Variants in PCDHGA8 observed in about 807,000 individuals in gnomAD.
The protein encoded by PCDHGA8 is protocadherin gamma subfamily A, 8.
A neutral mutation model predicts 59.2 loss-of-function variants in PCDHGA8; 45 were observed. The observed-to-expected ratio is 0.76, with a 90% confidence interval of 0.60 to 0.98. The LOEUF (loss-of-function observed/expected upper bound fraction) is 0.98. Ranked by LOEUF, PCDHGA8 falls within the 50% of genes least tolerant of loss-of-function variation. PCDHGA8 has a pLI of 0.00. For missense variants in PCDHGA8, 1,257 were observed against 1,196.2 expected (o/e 1.05, Z -0.75); for synonymous variants, 531 against 519.0 (o/e 1.02, Z -0.32).
In PCDHGA8 at chr5:141,394,652, G is replaced by T. The variant is rs1589237070; in HGVS notation, c.1839G>T (p.Glu613Asp). 1 of 1,613,422 alleles carries T rather than the reference G, an allele frequency of 6.2e-7. No homozygotes were observed. The highest frequency in any genetic ancestry group is 8.5e-7 in the Non-Finnish European group (1 of 1,179,954). Residue 613 changes from glutamate (E) to aspartate (D), a missense_variant, in exon 1 of 4, where the codon GAG (glutamate) becomes GAT (aspartate). Coordinates refer to ENST00000398604, the MANE Select transcript of PCDHGA8 (RefSeq NM_032088.2). ...CCTACCGCCTGCTCAAGGCCAGCGA[G>T]CCGGGACTCTTCTCGGTGGGTCTGC... ...WLSYRLLKAS[E>D]PGLFSVGLHT...
chr5:141,499,751 A>G (rs1355923543), intron 2 of PCDHGA8, among the ~76,000 whole-genome samples: 2 of 149,258 alleles, frequency 1.3e-5, no homozygotes, highest in Non-Finnish European at 3.0e-5. Flanking sequence ...CTGTGGCACA[A>G]TCTCAGCTCA....
intron 1 of PCDHGA8, chr5:141,433,013 AC>A: frequency 6.2e-7 from 1 of 1,614,018 alleles, no homozygotes; most frequent in Non-Finnish European, 8.5e-7. Flanking sequence ...TTTCCTGCAG[AC>A]CTATTCCCAC....
Position 141,486,486 on chromosome 5 carries a change from A to G in PCDHGA8, c.2425-8321A>G. The G allele has an allele frequency of 6.2e-7, 1 of 1,614,056 alleles. No individual in the cohort carries two copies. Among genetic ancestry groups the G allele is most frequent in the South Asian group, 1.1e-5 (1 of 91,084 alleles). ...GCTGGGAACCCTCCTCTCAGTACCC[A>G]CAGAACTATTTTCCTCAATATTTCA... On this transcript the variant is annotated intron_variant, in intron 1 of 3. Coordinates refer to ENST00000398604, the MANE Select transcript of PCDHGA8 (RefSeq NM_032088.2). The surrounding 1 kb of genome is among the most constrained non-coding windows in gnomAD (Gnocchi z 5.0).
intron 1 of PCDHGA8, chr5:141,403,588 C>CGGTG (rs773103981): frequency 1.2e-6 from 2 of 1,613,904 alleles, no homozygotes; most frequent in East Asian, 2.2e-5. Flanking sequence ...ACCTGGTCCT[C>CGGTG]ACGGCCTCGG....
At position 141,455,354 on chromosome 5, in the gene PCDHGA8, T is replaced by C. The variant is rs185319743; in HGVS notation, c.2425-39453T>C. ...TGGTTTTAAGGAGCGGAGAGTTTAA[T>C]AGGCAAGAAGGAAGGGAGAAGACAG... On this transcript the variant is annotated intron_variant, in intron 1 of 3. Coordinates refer to ENST00000398604, the MANE Select transcript of PCDHGA8 (RefSeq NM_032088.2). Among the ~76,000 whole-genome samples the C allele has an allele frequency of 1.7e-3, 263 of 152,180 alleles. 2 individuals are homozygous for C. The highest frequency in any genetic ancestry group is 3.0e-3 in the Non-Finnish European group (207 of 68,010).
At chr5:141,508,244 C>A (rs1278674173) in intron 3 of PCDHGA8, 1 of 152,314 alleles carries the variant, frequency 6.6e-6, no homozygotes, top group Non-Finnish European at 1.5e-5. Context: ...CTAAGTCTGC[C>A]TCTCCTGGGA....
intron 1 of PCDHGA8, among the ~76,000 whole-genome samples, chr5:141,406,535 G>A (rs2094820779): frequency 6.6e-6 from 1 of 152,168 alleles, no homozygotes; most frequent in South Asian, 2.1e-4. Context: ...TTCTGACGAA[G>A]ATTCAAACTT....
rs774983500 is a variant in PCDHGA8 at position 141,490,973 on chromosome 5, G to T, written c.2425-3834G>T. ...GACTGGGAACACTCAGCCCCCCAGC[G>T]TCTCCCTCGCTCTGCTCCTCCTGGC... On this transcript the variant is annotated intron_variant, in intron 1 of 3. Transcript: ENST00000398604. The surrounding 1 kb of genome is among the most constrained non-coding windows in gnomAD (Gnocchi z 5.4). 1 of 1,613,932 alleles carries T rather than the reference G, an allele frequency of 6.2e-7. No individual in the cohort carries two copies. The highest frequency in any genetic ancestry group is 1.3e-5 in the African/African-American group (1 of 75,040).
At chr5:141,440,431 A>G (rs1338519888) in intron 1 of PCDHGA8, 1 of 152,222 alleles carries the variant, frequency 6.6e-6, no homozygotes, top group Non-Finnish European at 1.5e-5. Flanking sequence ...TGGGTGACAG[A>G]GCAAGGCGCC....
intron 1 of PCDHGA8, chr5:141,404,365 C>A: frequency 6.2e-7 from 1 of 1,613,936 alleles, no homozygotes; most frequent in South Asian, 1.1e-5. Context: ...GTACTTCCAT[C>A]TTCTCCGTGA....
At chr5:141,501,146 T>C (rs2299023) in intron 2 of PCDHGA8, among the ~76,000 whole-genome samples, 88,663 of 152,012 alleles carry the variant, frequency 0.58, 27,355 homozygotes, top group African/African-American at 0.78. Context: ...GGATTACAGG[T>C]GGGAGCCACC....
At chr5:141,456,827 G>A (rs183303757) in intron 1 of PCDHGA8, among the ~76,000 whole-genome samples, 13 of 152,236 alleles carry the variant, frequency 8.5e-5, no homozygotes, top group South Asian at 2.1e-4. Flanking sequence ...AGCCATCGTG[G>A]TAGTGGGCGC....
rs371350905 is a variant in PCDHGA8 at position 141,476,860 on chromosome 5, G to A, written c.2425-17947G>A. The A allele has an allele frequency of 6.7e-5, 108 of 1,613,762 alleles. No individual in the cohort carries two copies. The highest frequency in any genetic ancestry group is 1.6e-4 in the East Asian group (7 of 44,884). ...ATGCGCCTGTCTTCAACCAGTCCTT[G>A]TACCGGGCGCGCGTCCTGGAGGATG... is the stretch of plus-strand genomic sequence containing the variant. On this transcript the variant is annotated intron_variant, in intron 1 of 3. Transcript: ENST00000398604. This position sits in a 1 kb window ranked among gnomAD's most constrained non-coding sequence, Gnocchi z 7.6.
chr5:141,433,437 T>C (rs1422634356), intron 1 of PCDHGA8, among the ~76,000 whole-genome samples: 2 of 152,076 alleles, frequency 1.3e-5, no homozygotes, highest in Admixed American at 1.3e-4. Flanking sequence ...AGTCTCACTA[T>C]GTTGAGCAGG....
chr5:141,501,327 AC>A (rs1208116606), intron 2 of PCDHGA8, among the ~76,000 whole-genome samples: 2 of 151,364 alleles, frequency 1.3e-5, no homozygotes, highest in Non-Finnish European at 2.9e-5. Context: ...ACACACACAC[AC>A]ACACACCCCA....
intron 1 of PCDHGA8, chr5:141,410,442 C>T (rs1444532577): frequency 6.2e-7 from 1 of 1,613,942 alleles, no homozygotes; most frequent in East Asian, 2.2e-5. Context: ...AGTGAGGGGA[C>T]TTTGCCTTAT....
At chr5:141,405,114 C>T in intron 1 of PCDHGA8, 1 of 1,613,970 alleles carries the variant, frequency 6.2e-7, no homozygotes, top group Non-Finnish European at 8.5e-7. Flanking sequence ...CACTGGCACT[C>T]CTCGCATCTG....
At chr5:141,399,971 T>C in intron 1 of PCDHGA8, 1 of 1,612,208 alleles carries the variant, frequency 6.2e-7, no homozygotes, top group Non-Finnish European at 8.5e-7. Flanking sequence ...CTCTTCAGCC[T>C]GGGGCTGCGC....
intron 2 of PCDHGA8, among the ~76,000 whole-genome samples, chr5:141,504,118 G>A (rs948008198): frequency 6.6e-6 from 1 of 152,096 alleles, no homozygotes; most frequent in African/African-American, 2.4e-5. Flanking sequence ...GTGTGCCAGG[G>A]CTGTTTCCCG....
Sources: allele counts gnomAD v4.1 joint callset (sites outside exome capture counted in the v4.1 genomes callset), GRCh38; gene constraint gnomAD v4.1.1; non-coding constraint Gnocchi (gnomAD v3.1); transcripts MANE v1.5; gene names NCBI Gene and HGNC (gene_info 2026-07-23, HGNC 2026-07-21).